The following DOCK3 variants were observed in gnomAD, a reference collection of about 807,000 sequenced individuals.
DOCK3 encodes the protein dedicator of cytokinesis protein 3.
A neutral mutation model predicts 265.6 loss-of-function variants in DOCK3; 60 were observed. The ratio of observed to expected loss-of-function variants is 0.23; its 90% confidence interval spans 0.18 to 0.28. The LOEUF (loss-of-function observed/expected upper bound fraction) is 0.28, where lower values mean the gene tolerates loss of function less well. Ranked by LOEUF, DOCK3 falls within the 10% of genes least tolerant of loss-of-function variation. The pLI, the probability that DOCK3 is intolerant of heterozygous loss-of-function variation, is 1.00. For synonymous variants in DOCK3, 881 were observed against 938.0 expected (o/e 0.94, Z 1.11); for missense variants, 1,981 against 2,594.3 (o/e 0.76, Z 5.14).
At chr3:51,142,689 A>G (rs1198628657) in intron 9 of DOCK3, among the ~76,000 whole-genome samples, 2 of 152,120 alleles carry the variant, frequency 1.3e-5, no homozygotes, top group Non-Finnish European at 2.9e-5. Flanking sequence ...ATAAATATTT[A>G]TATATAGATC....
At chr3:50,878,071 G>C (rs1424387636) in intron 3 of DOCK3, among the ~76,000 whole-genome samples, 1 of 152,188 alleles carries the variant, frequency 6.6e-6, no homozygotes, top group Non-Finnish European at 1.5e-5. Flanking sequence ...CTGACTGTTA[G>C]AAGGAAAACT....
chr3:51,340,096 T>A (rs1190700065), intron 37 of DOCK3, among the ~76,000 whole-genome samples: 7 of 152,180 alleles, frequency 4.6e-5, no homozygotes, highest in Admixed American at 1.3e-4. Flanking sequence ...AGCAACCCTC[T>A]GAGAGGGCAT....
chr3:50,961,756 A>G (rs944128675), intron 5 of DOCK3, among the ~76,000 whole-genome samples: 1 of 152,230 alleles, frequency 6.6e-6, no homozygotes, highest in East Asian at 1.9e-4. Flanking sequence ...TCCAAAGACA[A>G]TGCAAGCATT....
chr3:50,778,298 T>C (rs2041723936), intron 1 of DOCK3, among the ~76,000 whole-genome samples: 2 of 152,202 alleles, frequency 1.3e-5, no homozygotes, highest in Non-Finnish European at 2.9e-5. Flanking sequence ...AATATCTATT[T>C]GTTTGCTTGT....
intron 23 of DOCK3, among the ~76,000 whole-genome samples, chr3:51,262,255 G>T (rs1351039020): frequency 2.0e-5 from 3 of 152,200 alleles, no homozygotes; most frequent in African/African-American, 7.2e-5. Context: ...AGCCTCTGCT[G>T]GTGATACCCA....
chr3:51,163,851 T>C (rs1181521851), intron 12 of DOCK3, among the ~76,000 whole-genome samples: 2 of 152,170 alleles, frequency 1.3e-5, no homozygotes, highest in East Asian at 3.8e-4. Context: ...CAATCACATA[T>C]TATGTAAAAT....
intron 27 of DOCK3, among the ~76,000 whole-genome samples, chr3:51,301,448 G>C (rs1358045253): frequency 6.6e-6 from 1 of 151,402 alleles, no homozygotes; most frequent in Non-Finnish European, 1.5e-5. Flanking sequence ...TCTTCTGCTA[G>C]CTTTTGGGTT....
intron 4 of DOCK3, among the ~76,000 whole-genome samples, chr3:50,906,741 G>A (rs1456344372): frequency 6.6e-6 from 1 of 151,896 alleles, no homozygotes; most frequent in South Asian, 2.1e-4. Flanking sequence ...GGGTTTTTTT[G>A]TATCTCTATC....
chr3:51,251,143 G>A lies in DOCK3; in HGVS notation c.2184+4336G>A, dbSNP rs146126387. 4.1e-3 allele frequency among the ~76,000 whole-genome samples: 624 copies of A among 152,294 alleles called. 2 individuals are homozygous for A. The highest frequency in any genetic ancestry group is 7.1e-3 in the Non-Finnish European group (485 of 68,028). Reference sequence around the variant, plus strand: ...TGTTTGGTTTTCTGTCCTTGCGATAGTTTGCTCAGAATGATGGATTCCAGC... The same window carrying A: ...TGTTTGGTTTTCTGTCCTTGCGATAATTTGCTCAGAATGATGGATTCCAGC... On this transcript the variant is annotated intron_variant, in intron 22 of 52. Coordinates refer to ENST00000266037, the MANE Select transcript of DOCK3 (RefSeq NM_004947.5).
chr3:51,140,440 C>G (rs1218039903), intron 9 of DOCK3, among the ~76,000 whole-genome samples: 1 of 152,128 alleles, frequency 6.6e-6, no homozygotes, highest in East Asian at 1.9e-4. Flanking sequence ...TACTTCATTA[C>G]TTTTATGGCT....
chr3:51,295,508 A>C (rs201532359), intron 27 of DOCK3, among the ~76,000 whole-genome samples: 3 of 152,244 alleles, frequency 2.0e-5, no homozygotes, highest in Non-Finnish European at 4.4e-5. Flanking sequence ...TTGAGGGGAC[A>C]TATCCAAACC....
chr3:51,364,280 G>A (rs2086964743), intron 49 of DOCK3, among the ~76,000 whole-genome samples: 1 of 152,214 alleles, frequency 6.6e-6, no homozygotes, highest in Non-Finnish European at 1.5e-5. Context: ...CTGCATAAAT[G>A]TCTTCTTTTG....
chr3:51,285,186 T>C (rs1451090978), intron 27 of DOCK3, among the ~76,000 whole-genome samples: 1 of 152,082 alleles, frequency 6.6e-6, no homozygotes, highest in East Asian at 1.9e-4. Context: ...TTAGAATCTC[T>C]GGATGGATGA....
intron 5 of DOCK3, among the ~76,000 whole-genome samples, chr3:51,046,093 A>C (rs1192509930): frequency 1.3e-5 from 2 of 152,180 alleles, no homozygotes; most frequent in Admixed American, 6.6e-5. Context: ...AACCTGTCAT[A>C]GATTTTTAAA....
At chr3:50,940,056 G>GACACACACAT (rs1559841237) in intron 5 of DOCK3, among the ~76,000 whole-genome samples, 1 of 40,714 alleles carries the variant, frequency 2.5e-5, no homozygotes, top group Non-Finnish European at 5.3e-5. Context: ...CATACCCACA[G>GACACACACAT]ACACACACAT....
chr3:50,807,370 A>C (rs1007824541), intron 2 of DOCK3, among the ~76,000 whole-genome samples: 1 of 151,542 alleles, frequency 6.6e-6, no homozygotes, highest in Non-Finnish European at 1.5e-5. Context: ...TTTAACAACC[A>C]GCTATCCCAG....
rs942415097 is a variant in DOCK3 at position 51,382,080 on chromosome 3, T to C, written c.*521T>C. On this transcript the variant is annotated 3_prime_UTR_variant, in exon 53 of 53. Coordinates refer to ENST00000266037, the MANE Select transcript of DOCK3 (RefSeq NM_004947.5). ...GTGGAAAAAGGGCCACAAGCCGTTTTGCACAAATGCCTGCCCACCTGCCCC... is the reference window on the plus strand; with the variant it reads ...GTGGAAAAAGGGCCACAAGCCGTTTCGCACAAATGCCTGCCCACCTGCCCC... 1.3e-5 allele frequency: 2 copies of C among 153,062 alleles called. No homozygotes were observed. Among genetic ancestry groups the C allele is most frequent in the African/African-American group, 4.8e-5 (2 of 41,476 alleles). The allele number at this position is 153,062 out of a possible 1,614,324, so 9.5% of individuals were successfully genotyped here.
At position 50,919,832 on chromosome 3, in the gene DOCK3, T is replaced by G. The variant is rs980635842; in HGVS notation, c.219-14149T>G. On this transcript the variant is annotated intron_variant, in intron 4 of 52. Coordinates refer to ENST00000266037, the MANE Select transcript of DOCK3 (RefSeq NM_004947.5). Reference sequence around the variant, plus strand: ...CAGGACATCCCTGTCTTGTGCCAGTTTTCAAAGGGAATGCTTCAGTTTTTG... The same window carrying G: ...CAGGACATCCCTGTCTTGTGCCAGTGTTCAAAGGGAATGCTTCAGTTTTTG... 8.5e-5 allele frequency among the ~76,000 whole-genome samples: 13 copies of G among 152,328 alleles called. 3 individuals carry two copies.
chr3:50,992,969 A>G (rs187209114), intron 5 of DOCK3, among the ~76,000 whole-genome samples: 182 of 152,306 alleles, frequency 1.2e-3, no homozygotes, highest in African/African-American at 4.2e-3. Flanking sequence ...TTTTTGTACT[A>G]TGCCAGTGAT....
Sources: gnomAD v4.1 joint callset for allele counts (sites outside exome capture counted in the v4.1 genomes callset) on GRCh38, gnomAD v4.1.1 for gene constraint, MANE v1.5 for transcripts, NCBI Gene and HGNC (gene_info 2026-07-23, HGNC 2026-07-21) for gene names.